CYP27A1: variants seen among roughly 807,000 people sequenced by gnomAD.
CYP27A1 encodes cytochrome P450 family 27 subfamily A member 1, also known as sterol 26-hydroxylase, mitochondrial.
CYP27A1 carries 46 observed loss-of-function variants against 58.2 expected under a neutral mutation model. That is an observed-to-expected ratio of 0.79 (90% confidence interval 0.62 to 1.01). The LOEUF (loss-of-function observed/expected upper bound fraction) is 1.01. Among genes scored for constraint, CYP27A1 ranks in the 50% least tolerant of loss-of-function variants. The pLI is 0.00. For synonymous variants in CYP27A1, 274 were observed against 285.1 expected (o/e 0.96, Z 0.39); for missense variants, 704 against 687.0 (o/e 1.02, Z -0.28).
chr2:218,786,254 C>T (rs1284577059), intron 1 of CYP27A1, among the ~76,000 whole-genome samples: 10 of 152,152 alleles, frequency 6.6e-5, no homozygotes. Context: ...TGGAGATAGA[C>T]ATACCCTAAT....
At chr2:218,791,439 A>G (rs1422706575) in intron 1 of CYP27A1, among the ~76,000 whole-genome samples, 1 of 152,214 alleles carries the variant, frequency 6.6e-6, no homozygotes, top group Non-Finnish European at 1.5e-5. Flanking sequence ...AGTGCACACA[A>G]CAGACCCCCT....
intron 1 of CYP27A1, chr2:218,805,987 A>G (rs1000985888): frequency 3.3e-5 from 5 of 152,240 alleles, no homozygotes; most frequent in Non-Finnish European, 5.9e-5. Flanking sequence ...GCCAGGAAGT[A>G]GTCTCAGAGG....
chr2:218,796,055 G>T (rs942955306), intron 1 of CYP27A1, among the ~76,000 whole-genome samples: 2 of 152,204 alleles, frequency 1.3e-5, no homozygotes, highest in African/African-American at 2.4e-5. Context: ...CTGTTAGAAA[G>T]TGACATTCTT....
chr2:218,812,128 A>T (rs1256856457), intron 2 of CYP27A1, 94 bp from the exon 3 acceptor site: 1 of 896,518 alleles, frequency 1.1e-6, no homozygotes, highest in Non-Finnish European at 1.8e-6. Context: ...TTGACTCTGG[A>T]TGGAGGGGGT....
intron 1 of CYP27A1, among the ~76,000 whole-genome samples, chr2:218,784,604 G>A (rs1193764672): frequency 6.6e-6 from 1 of 152,210 alleles, no homozygotes; most frequent in Non-Finnish European, 1.5e-5. Flanking sequence ...AAGAAAACAA[G>A]TGATAACTAA....
intron 1 of CYP27A1, among the ~76,000 whole-genome samples, chr2:218,790,773 C>G (rs1943484939): frequency 6.6e-6 from 1 of 151,908 alleles, no homozygotes; most frequent in Non-Finnish European, 1.5e-5. Flanking sequence ...CCTCGGCTCA[C>G]TGCAAGCTCC....
chr2:218,808,959 A>G (rs1462503293), intron 1 of CYP27A1, among the ~76,000 whole-genome samples: 1 of 152,058 alleles, frequency 6.6e-6, no homozygotes, highest in Admixed American at 6.5e-5. Context: ...ATGTTCTTAG[A>G]TTTCAAAGAC....
Position 218,814,914 on chromosome 2 carries a change from A to G in CYP27A1, c.1480A>G (p.Ile494Val), listed in dbSNP as rs1450063213. ...LEMQLLLARL[I>V]QKYKVVLAPE... ...ACATGTGCTCTTTACCCCCCAGCTG[A>G]TCCAGAAGTACAAGGTGGTCCTGGC... Residue 494 changes from isoleucine (I) to valine (V), a missense_variant, in exon 9 of 9, where the codon ATC becomes GTC. By Grantham distance (29) the Ile-to-Val change is conservative. Coordinates refer to ENST00000258415, the MANE Select transcript of CYP27A1 (RefSeq NM_000784.4). 1 of 1,614,210 alleles carries G rather than the reference A, an allele frequency of 6.2e-7. No homozygotes were observed. Among genetic ancestry groups the G allele is most frequent in the Non-Finnish European group, 8.5e-7 (1 of 1,180,034 alleles).
intron 1 of CYP27A1, among the ~76,000 whole-genome samples, chr2:218,787,958 G>A (rs1001161242): frequency 3.3e-5 from 5 of 152,150 alleles, no homozygotes; most frequent in East Asian, 1.9e-4. Context: ...ATCCCAAACC[G>A]TGGTTGCTTA....
At chr2:218,797,014 C>A (rs1448201691) in intron 1 of CYP27A1, among the ~76,000 whole-genome samples, 1 of 152,172 alleles carries the variant, frequency 6.6e-6, no homozygotes, top group Non-Finnish European at 1.5e-5. Context: ...AAACAAAATT[C>A]CCAGGGTAGT....
intron 1 of CYP27A1, among the ~76,000 whole-genome samples, chr2:218,795,758 C>A (rs969841009): frequency 6.6e-6 from 1 of 152,142 alleles, no homozygotes; most frequent in Non-Finnish European, 1.5e-5. Flanking sequence ...AACATAATTT[C>A]TCTCTCTCCA....
At chr2:218,794,265 A>C (rs1943524757) in intron 1 of CYP27A1, among the ~76,000 whole-genome samples, 1 of 152,216 alleles carries the variant, frequency 6.6e-6, no homozygotes, top group African/African-American at 2.4e-5. Context: ...AAGTACTTCT[A>C]ACTGCCATTA....
chr2:218,812,855 A>C, intron 4 of CYP27A1, 69 bp from the exon 5 acceptor site: 2 of 1,608,860 alleles, frequency 1.2e-6, no homozygotes, highest in Non-Finnish European at 1.7e-6. Context: ...CAGTTGTCGG[A>C]GTGGCTCTTG....
At chr2:218,801,287 G>A (rs942061279) in intron 1 of CYP27A1, among the ~76,000 whole-genome samples, 13 of 151,936 alleles carry the variant, frequency 8.6e-5, no homozygotes, top group Non-Finnish European at 1.3e-4. Context: ...AGTGGATCAC[G>A]TGAGGTCAGG....
At chr2:218,804,911 G>A (rs1477021819) in intron 1 of CYP27A1, among the ~76,000 whole-genome samples, 1 of 152,224 alleles carries the variant, frequency 6.6e-6, no homozygotes, top group African/African-American at 2.4e-5. Context: ...GGTGCCAGTG[G>A]TTGGTTTCTG....
At chr2:218,784,388 C>A (rs983534326) in intron 1 of CYP27A1, among the ~76,000 whole-genome samples, 2 of 152,204 alleles carry the variant, frequency 1.3e-5, no homozygotes, top group Non-Finnish European at 2.9e-5. Flanking sequence ...GATTAACTTT[C>A]TTTACCTCTG....
intron 1 of CYP27A1, among the ~76,000 whole-genome samples, chr2:218,802,374 A>G (rs1372392922): frequency 1.3e-5 from 2 of 152,022 alleles, no homozygotes; most frequent in Admixed American, 6.5e-5. Flanking sequence ...AAACAGAACT[A>G]CTTGCGTTGT....
rs1215745374 is a variant in CYP27A1 at position 218,814,086 on chromosome 2, G to T, written c.1083G>T (p.Leu361Phe). Residue 361 changes from leucine to phenylalanine, a missense_variant, in exon 6 of 9, where the codon TTG becomes TTT. Leu to Phe is a conservative substitution (Grantham distance 22). Coordinates refer to ENST00000258415, the MANE Select transcript of CYP27A1 (RefSeq NM_000784.4). ...AGGACCCTGAGATCCAGGAGGCCTTGCACGAGGAAGTGGTGGGTGTGGTGC... is the reference window on the plus strand; with the variant it reads ...AGGACCCTGAGATCCAGGAGGCCTTTCACGAGGAAGTGGTGGGTGTGGTGC... ...LSKDPEIQEA[L>F]HEEVVGVVPA... 4 of 1,614,134 alleles carry T rather than the reference G, an allele frequency of 2.5e-6. No individual in the cohort carries two copies. The African/African-American group carries it at 5.3e-5, about 22-fold the overall frequency.
chr2:218,814,082 C>A lies in CYP27A1; in HGVS notation c.1079C>A (p.Ala360Asp). 1 of 1,614,250 alleles carries A rather than the reference C, an allele frequency of 6.2e-7. No individual in the cohort carries two copies. The change falls in exon 6 of 9, where the codon GCC becomes GAC. Residue 360 changes from alanine (A) to aspartate (D), a missense_variant. By Grantham distance (126) the Ala-to-Asp change is moderately radical. Transcript: ENST00000258415. Reference sequence around the variant, plus strand: ...TCAAAGGACCCTGAGATCCAGGAGGCCTTGCACGAGGAAGTGGTGGGTGTG... The same window carrying A: ...TCAAAGGACCCTGAGATCCAGGAGGACTTGCACGAGGAAGTGGTGGGTGTG... ...HLSKDPEIQEALHEEVVGVVP... is the reference protein window; with the variant it reads ...HLSKDPEIQEDLHEEVVGVVP...
Sources: allele counts gnomAD v4.1 joint callset (sites outside exome capture counted in the v4.1 genomes callset), GRCh38; gene constraint gnomAD v4.1.1; transcripts MANE v1.5; gene names NCBI Gene and HGNC (gene_info 2026-07-23, HGNC 2026-07-21).